Variants in ATP9A observed in about 807,000 individuals in gnomAD.
The protein encoded by ATP9A is ATPase phospholipid transporting 9A, also known as probable phospholipid-transporting ATPase IIA.
A neutral mutation model predicts 144.1 loss-of-function variants in ATP9A; 52 were observed. The observed-to-expected ratio is 0.36, with a 90% CI of 0.29 to 0.45. The LOEUF (loss-of-function observed/expected upper bound fraction) is 0.45, where lower values mean the gene tolerates loss of function less well. Among genes scored for constraint, ATP9A ranks in the 20% least tolerant of loss-of-function variants. The pLI, the probability that ATP9A is intolerant of heterozygous loss-of-function variation, is 1.00. For missense variants in ATP9A, 947 were observed against 1,392.7 expected, an observed-to-expected ratio of 0.68 and a Z score of 5.09; for synonymous variants, 582 against 557.4, an observed-to-expected ratio of 1.04 and a Z score of -0.62.
chr20:51,723,181 A>G (rs1305679250), intron 3 of ATP9A, among the ~76,000 whole-genome samples: 2 of 152,146 alleles, frequency 1.3e-5, no homozygotes, highest in Non-Finnish European at 2.9e-5. Flanking sequence ...GTTTTCACTA[A>G]TATGTGGGAG....
chr20:51,748,798 T>C (rs1407565060), intron 1 of ATP9A, among the ~76,000 whole-genome samples: 1 of 152,000 alleles, frequency 6.6e-6, no homozygotes, highest in Non-Finnish European at 1.5e-5. Flanking sequence ...AAAATAAATA[T>C]AACTGACCAA....
chr20:51,738,866 T>G (rs1262148870), intron 1 of ATP9A, among the ~76,000 whole-genome samples: 1 of 152,040 alleles, frequency 6.6e-6, no homozygotes, highest in Non-Finnish European at 1.5e-5. Flanking sequence ...GTAGATCACT[T>G]GAGGTAGGAG....
chr20:51,678,132 G>A (rs1309369961), intron 9 of ATP9A, among the ~76,000 whole-genome samples: 2 of 151,302 alleles, frequency 1.3e-5, no homozygotes, highest in African/African-American at 4.9e-5. Flanking sequence ...TGGGTGGCAG[G>A]GCGGGGGGAA....
chr20:51,634,635 C>A (rs1985865), intron 15 of ATP9A, among the ~76,000 whole-genome samples: 44,930 of 151,810 alleles, frequency 0.3, 6,941 homozygotes, highest in Non-Finnish European at 0.34. Context: ...GTGGGTGGAT[C>A]ACCTGAGGTC....
At chr20:51,764,784 C>G (rs189861305) in intron 1 of ATP9A, among the ~76,000 whole-genome samples, 3 of 151,992 alleles carry the variant, frequency 2.0e-5, no homozygotes, top group Non-Finnish European at 2.9e-5. Flanking sequence ...TGCAGTGGTA[C>G]AATCCTGACT....
chr20:51,717,748 G>A (rs2077668402), intron 3 of ATP9A, among the ~76,000 whole-genome samples: 2 of 152,236 alleles, frequency 1.3e-5, no homozygotes, highest in South Asian at 4.1e-4. Flanking sequence ...GAGGTCAGGA[G>A]TTCGAGACCA....
chr20:51,747,103 T>TTG (rs1555844827), intron 1 of ATP9A, among the ~76,000 whole-genome samples: 4 of 150,758 alleles, frequency 2.7e-5, no homozygotes, highest in Admixed American at 6.6e-5. Context: ...TTTTCGTTTT[T>TTG]TTTTTTTTTT....
At chr20:51,610,449 C>T (rs1191535560) in intron 23 of ATP9A, among the ~76,000 whole-genome samples, 2 of 152,162 alleles carry the variant, frequency 1.3e-5, no homozygotes, top group African/African-American at 2.4e-5. Flanking sequence ...AGGAATCATT[C>T]CCGGGTAGGG....
intron 3 of ATP9A, among the ~76,000 whole-genome samples, chr20:51,719,147 A>C (rs1416951574): frequency 6.7e-6 from 1 of 150,116 alleles, no homozygotes; most frequent in Non-Finnish European, 1.5e-5. Flanking sequence ...AAAGAGAGAG[A>C]GATGTGGCTT....
At chr20:51,723,436 T>TG (rs1260600815) in intron 3 of ATP9A, among the ~76,000 whole-genome samples, 1 of 151,744 alleles carries the variant, frequency 6.6e-6, no homozygotes, top group Non-Finnish European at 1.5e-5. Flanking sequence ...TATCCAGGCA[T>TG]GGTGGCATGT....
intron 1 of ATP9A, among the ~76,000 whole-genome samples, chr20:51,741,870 A>G (rs1011560510): frequency 2.0e-5 from 3 of 152,222 alleles, no homozygotes; most frequent in African/African-American, 4.8e-5. Flanking sequence ...GGAGGCAGCC[A>G]AGGATGCTGC....
chr20:51,748,970 G>GACAGACAGAC (rs1317275524), intron 1 of ATP9A, among the ~76,000 whole-genome samples: 2 of 151,990 alleles, frequency 1.3e-5, no homozygotes, highest in Non-Finnish European at 2.9e-5. Flanking sequence ...CAGACAGACA[G>GACAGACAGAC]ACAAATAAAA....
chr20:51,725,611 G>A (rs180824494), intron 3 of ATP9A, among the ~76,000 whole-genome samples: 35 of 152,242 alleles, frequency 2.3e-4, no homozygotes, highest in Non-Finnish European at 1.3e-4. Flanking sequence ...ATAAATGAAC[G>A]GCACAGGCTT....
chr20:51,659,282 A>T (rs1005134576), intron 13 of ATP9A, among the ~76,000 whole-genome samples: 2 of 152,186 alleles, frequency 1.3e-5, no homozygotes, highest in Non-Finnish European at 2.9e-5. Flanking sequence ...AAATTGGCCT[A>T]TTTACCTGAC....
chr20:51,721,388 AGGTAG>A (rs1405922250), intron 3 of ATP9A, among the ~76,000 whole-genome samples: 1 of 152,238 alleles, frequency 6.6e-6, no homozygotes, highest in East Asian at 1.9e-4. Context: ...TGGAAGGCCA[AGGTAG>A]GTGGATTCCT....
intron 13 of ATP9A, among the ~76,000 whole-genome samples, chr20:51,657,771 A>T (rs1011889580): frequency 6.6e-6 from 1 of 152,246 alleles, no homozygotes; most frequent in Non-Finnish European, 1.5e-5. Flanking sequence ...AATCCAGGGC[A>T]GTCCAGCAAG....
In ATP9A at chr20:51,611,032, C is replaced by T. The variant is rs1025823021; in HGVS notation, c.2572-867G>A. Among the ~76,000 whole-genome samples, 2 of 152,152 alleles carry T rather than the reference C, an allele frequency of 1.3e-5. No individual in the cohort carries two copies. Among genetic ancestry groups the T allele is most frequent in the Admixed American group, 6.5e-5 (1 of 15,270 alleles). On this transcript the variant is annotated intron_variant, in intron 23 of 27. Coordinates refer to ENST00000338821, the MANE Select transcript of ATP9A (RefSeq NM_006045.3). The surrounding 1 kb of genome is among the most constrained non-coding windows in gnomAD (Gnocchi z 4.2). The stretch of plus-strand genomic sequence containing the variant: ...CCATCTCTGGACCTCTATGGGCTAA[C>T]AGAGGAAACACGGTCTCCAAGCTGA...
At chr20:51,616,139 T>G (rs924796246) in intron 22 of ATP9A, among the ~76,000 whole-genome samples, 2 of 152,124 alleles carry the variant, frequency 1.3e-5, no homozygotes, top group Non-Finnish European at 2.9e-5. Flanking sequence ...AAAAATCATT[T>G]CACTCTACAA....
chr20:51,708,912 G>C (rs1239118940), intron 4 of ATP9A, among the ~76,000 whole-genome samples: 4 of 152,140 alleles, frequency 2.6e-5, no homozygotes, highest in Non-Finnish European at 5.9e-5. Flanking sequence ...AGACCAAGGA[G>C]AGAGGACAAC....
Sources: allele counts gnomAD v4.1 joint callset (sites outside exome capture counted in the v4.1 genomes callset), GRCh38; gene constraint gnomAD v4.1.1; non-coding constraint Gnocchi (gnomAD v3.1); transcripts MANE v1.5; gene names NCBI Gene and HGNC (gene_info 2026-07-23, HGNC 2026-07-21).